The following KSR2 variants were observed in gnomAD, a reference collection of about 807,000 sequenced individuals.
KSR2 encodes kinase suppressor of ras 2.
A neutral mutation model predicts 107.8 loss-of-function variants in KSR2; 25 were observed. The ratio of observed to expected loss-of-function variants is 0.23; its 90% CI spans 0.17 to 0.32. The LOEUF is 0.32. Ranked by LOEUF, KSR2 falls within the 10% of genes least tolerant of loss-of-function variation. The pLI, the probability that KSR2 is intolerant of heterozygous loss-of-function variation, is 1.00. For missense variants in KSR2, 887 were observed against 1,268.9 expected (o/e 0.70, Z 4.57); for synonymous variants, 480 against 507.0 (o/e 0.95, Z 0.71).
chr12:117,517,852 C>T (rs1246922602), intron 14 of KSR2: 2 of 455,732 alleles, frequency 4.4e-6, no homozygotes, highest in Admixed American at 2.4e-5. Flanking sequence ...ATCAAACTGG[C>T]CTGAAGAGAA....
chr12:117,904,566 T>C (rs1237367513), intron 1 of KSR2, among the ~76,000 whole-genome samples: 2 of 152,214 alleles, frequency 1.3e-5, no homozygotes, highest in African/African-American at 4.8e-5. Flanking sequence ...CCCTTCCGAA[T>C]ATTGGACACC....
intron 3 of KSR2, among the ~76,000 whole-genome samples, chr12:117,811,492 G>A (rs1001958032): frequency 6.6e-6 from 1 of 152,228 alleles, no homozygotes; most frequent in Non-Finnish European, 1.5e-5. Context: ...ATGAAGCCCA[G>A]CGATCTGTGT....
chr12:117,847,139 C>G (rs555170465), intron 3 of KSR2, among the ~76,000 whole-genome samples: 2 of 152,210 alleles, frequency 1.3e-5, no homozygotes, highest in African/African-American at 2.4e-5. Context: ...CCAGAACATA[C>G]GAGACCCTGT....
At chr12:117,742,647 G>A (rs1888267303) in intron 4 of KSR2, among the ~76,000 whole-genome samples, 2 of 152,144 alleles carry the variant, frequency 1.3e-5, no homozygotes, top group African/African-American at 4.8e-5. Flanking sequence ...AATTAGAAAG[G>A]AATTCTTTGT....
chr12:117,627,294 A>G (rs889217567), intron 5 of KSR2, among the ~76,000 whole-genome samples: 1 of 152,136 alleles, frequency 6.6e-6, no homozygotes, highest in Non-Finnish European at 1.5e-5. Context: ...TCTTCCTAGC[A>G]TTAGTGGTCT....
chr12:117,531,375 C>A (rs1163917570), intron 11 of KSR2, among the ~76,000 whole-genome samples: 1 of 152,160 alleles, frequency 6.6e-6, no homozygotes, highest in Non-Finnish European at 1.5e-5. Flanking sequence ...ACCCTATGAC[C>A]ATCTCTTTCC....
intron 14 of KSR2, among the ~76,000 whole-genome samples, chr12:117,506,618 A>G (rs1242896023): frequency 2.6e-5 from 4 of 152,136 alleles, no homozygotes; most frequent in African/African-American, 9.7e-5. Flanking sequence ...TTAGAGAATA[A>G]ATGTAGTAGC....
intron 1 of KSR2, among the ~76,000 whole-genome samples, chr12:117,875,575 C>T (rs893936962): frequency 6.6e-6 from 1 of 152,224 alleles, no homozygotes; most frequent in East Asian, 1.9e-4. Context: ...GGCTCCAGAG[C>T]CCTCTGTGTC....
chr12:117,580,941 G>C (rs976434765), intron 6 of KSR2, among the ~76,000 whole-genome samples: 1 of 152,086 alleles, frequency 6.6e-6, no homozygotes, highest in South Asian at 2.1e-4. Flanking sequence ...GGCCAGTCCA[G>C]GGGGCACGGT....
At chr12:117,487,161 C>G (rs1483718800) in intron 14 of KSR2, among the ~76,000 whole-genome samples, 1 of 152,166 alleles carries the variant, frequency 6.6e-6, no homozygotes, top group African/African-American at 2.4e-5. Context: ...AGATCACTGG[C>G]TATTATAAAA....
At chr12:117,804,035 C>T (rs188825120) in intron 3 of KSR2, among the ~76,000 whole-genome samples, 53 of 152,244 alleles carry the variant, frequency 3.5e-4, no homozygotes, top group African/African-American at 1.3e-3. Flanking sequence ...TAGCCATATC[C>T]ATTCTTTTAT....
At chr12:117,908,473 G>A (rs1227743823) in intron 1 of KSR2, among the ~76,000 whole-genome samples, 2 of 152,118 alleles carry the variant, frequency 1.3e-5, no homozygotes, top group African/African-American at 4.8e-5. Flanking sequence ...CATGAAAGCT[G>A]CCCTTTCTAC....
chr12:117,870,671 A>C (rs1893621244), intron 1 of KSR2, among the ~76,000 whole-genome samples: 1 of 152,150 alleles, frequency 6.6e-6, no homozygotes, highest in African/African-American at 2.4e-5. Flanking sequence ...CTACTTGTTG[A>C]AGGGGGATGT....
At chr12:117,522,280 A>G (rs1874802897) in intron 14 of KSR2, among the ~76,000 whole-genome samples, 1 of 152,098 alleles carries the variant, frequency 6.6e-6, no homozygotes, top group Admixed American at 6.6e-5. Context: ...GCCTTTGAGA[A>G]GGGGGTGAGG....
chr12:117,640,597 G>A (rs559252840), intron 5 of KSR2, among the ~76,000 whole-genome samples: 73 of 152,142 alleles, frequency 4.8e-4, no homozygotes, highest in Non-Finnish European at 7.4e-4. Context: ...TCCAAAGAGC[G>A]TGTTCCCACA....
intron 3 of KSR2, among the ~76,000 whole-genome samples, chr12:117,768,148 T>A (rs1447935639): frequency 6.6e-6 from 1 of 152,188 alleles, no homozygotes. Flanking sequence ...TAGGGGCCGA[T>A]ATTGCTGTAT....
intron 16 of KSR2, among the ~76,000 whole-genome samples, chr12:117,479,012 G>A (rs1325303608): frequency 1.3e-5 from 2 of 152,162 alleles, no homozygotes; most frequent in African/African-American, 2.4e-5. Context: ...AGAAACACTG[G>A]GTGGAGGAAA....
intron 9 of KSR2, among the ~76,000 whole-genome samples, chr12:117,542,222 C>T (rs958084512): frequency 2.0e-5 from 3 of 152,150 alleles, no homozygotes; most frequent in Non-Finnish European, 4.4e-5. Flanking sequence ...TAAGAACATC[C>T]ACCTTGTAGG....
intron 3 of KSR2, among the ~76,000 whole-genome samples, chr12:117,769,254 T>G (rs1185865833): frequency 6.6e-6 from 1 of 152,026 alleles, no homozygotes; most frequent in African/African-American, 2.4e-5. Flanking sequence ...CATGATTATT[T>G]CATCACGTTC....
Sources: allele counts gnomAD v4.1 joint callset (sites outside exome capture counted in the v4.1 genomes callset), GRCh38; gene constraint gnomAD v4.1.1; transcripts MANE v1.5; gene names NCBI Gene and HGNC (gene_info 2026-07-23, HGNC 2026-07-21).